PAX5: variants seen among roughly 807,000 people sequenced by gnomAD.
PAX5 encodes the protein paired box 5.
Under a neutral mutation model 43.7 loss-of-function variants are expected in PAX5, and 9 were observed. That is an observed-to-expected ratio of 0.21 (90% CI 0.12 to 0.36). The LOEUF is 0.36. Among genes scored for constraint, PAX5 ranks in the 10% least tolerant of loss-of-function variants. PAX5 has a pLI of 1.00. For synonymous variants in PAX5, 228 were observed against 214.3 expected, an observed-to-expected ratio of 1.06 and a Z score of -0.56; for missense variants, 383 against 532.7, an observed-to-expected ratio of 0.72 and a Z score of 2.77.
rs1195510752 is a variant in PAX5 at position 36,929,293 on chromosome 9, G to GA, written c.781-5810_781-5809insT. 1.0e-3 allele frequency among the ~76,000 whole-genome samples: 149 copies of GA among 148,906 alleles called. 1 individual carries two copies. The East Asian group carries it at 0.026, about 25-fold the overall frequency. On this transcript the variant is annotated intron_variant, in intron 6 of 9. Transcript: ENST00000358127. ...AGGAAGGAAGGAAGGAAGGAAGGAT[G>GA]GATGAGAGAGAGAGAGAGAGAAAGA... is the stretch of plus-strand genomic sequence containing the variant.
At chr9:36,912,492 G>A (rs986841321) in intron 7 of PAX5, among the ~76,000 whole-genome samples, 4 of 152,192 alleles carry the variant, frequency 2.6e-5, no homozygotes, top group South Asian at 2.1e-4. Context: ...TGAAAGAGAC[G>A]CCTTCAGGAA....
At chr9:37,001,593 G>A (rs933038643) in intron 5 of PAX5, among the ~76,000 whole-genome samples, 5 of 152,252 alleles carry the variant, frequency 3.3e-5, no homozygotes, top group East Asian at 1.9e-4. Context: ...CGAGGCCACC[G>A]GCTCTGCTTC....
At position 37,015,262 on chromosome 9, in the gene PAX5, C is replaced by A; in HGVS notation, c.213-68G>T. ...AAAGTGGATATTGGCAACAAAATAA[C>A]GGGCTACTCTGGCCAGGAAACGTCC... On this transcript the variant is annotated intron_variant, in intron 2 of 9. Coordinates refer to ENST00000358127, the MANE Select transcript of PAX5 (RefSeq NM_016734.3). This position sits in a 1 kb window ranked among gnomAD's most constrained non-coding sequence, Gnocchi z 4.4. 1 of 1,402,330 alleles carries A rather than the reference C, an allele frequency of 7.1e-7. No homozygotes were observed. The highest frequency in any genetic ancestry group is 1.0e-6 in the Non-Finnish European group (1 of 992,462). 86.9% of individuals were successfully genotyped at this position (1,402,330 alleles called of 1,614,324 possible).
At chr9:36,925,947 A>G (rs1426764315) in intron 6 of PAX5, among the ~76,000 whole-genome samples, 2 of 152,200 alleles carry the variant, frequency 1.3e-5, no homozygotes, top group East Asian at 3.8e-4. Context: ...TGCCAGAACA[A>G]TAACAACCAC....
At chr9:36,873,399 G>A (rs181726757) in intron 8 of PAX5, among the ~76,000 whole-genome samples, 15 of 152,350 alleles carry the variant, frequency 9.8e-5, no homozygotes, top group East Asian at 9.6e-4. Context: ...GCATTTCATC[G>A]TAGCTGTGTC....
chr9:36,962,942 C>A (rs1382473421), intron 6 of PAX5, among the ~76,000 whole-genome samples: 2 of 152,362 alleles, frequency 1.3e-5, no homozygotes, highest in African/African-American at 4.8e-5. Flanking sequence ...GGAACATTCA[C>A]CTCTTGGAGA....
chr9:36,962,734 G>T (rs1278702874), intron 6 of PAX5, among the ~76,000 whole-genome samples: 1 of 152,222 alleles, frequency 6.6e-6, no homozygotes, highest in Admixed American at 6.5e-5. Context: ...GCCAGTAAGT[G>T]CTCTTTGTTC....
In PAX5 at chr9:36,881,132, G is replaced by C. The variant is rs1190174722; in HGVS notation, c.1012+872C>G. 1.3e-5 allele frequency among the ~76,000 whole-genome samples: 2 copies of C among 152,144 alleles called. 1 individual carries two copies. The highest frequency in any genetic ancestry group is 4.1e-4 in the South Asian group (2 of 4,828). On this transcript the variant is annotated intron_variant, in intron 8 of 9. Coordinates refer to ENST00000358127, the MANE Select transcript of PAX5 (RefSeq NM_016734.3). ...AAGGGTATGTTAATTAGCCTGATTT[G>C]ATCATTCCACAATGCATACACTGTC...
intron 6 of PAX5, among the ~76,000 whole-genome samples, chr9:36,934,956 G>A (rs1169519100): frequency 6.6e-6 from 1 of 152,226 alleles, no homozygotes. Flanking sequence ...TGCCAGAGGT[G>A]CTTCCCAGGG....
chr9:36,894,610 C>T (rs1048943098), intron 7 of PAX5, among the ~76,000 whole-genome samples: 8 of 152,136 alleles, frequency 5.3e-5, no homozygotes, highest in Non-Finnish European at 8.8e-5. Flanking sequence ...TCAGGTTTTG[C>T]ATTTATAAAA....
In PAX5 at chr9:36,837,779, A is replaced by G. The variant is rs937036086; in HGVS notation, c.*2781T>C. 9 of 232,946 alleles carry G rather than the reference A, an allele frequency of 3.9e-5. No homozygotes were observed. The highest frequency in any genetic ancestry group is 5.9e-5 in the Non-Finnish European group (7 of 117,940). The allele number at this position is 232,946 out of a possible 1,614,324, so 14.4% of individuals were successfully genotyped here. A position where few individuals can be genotyped will look rare whatever the true frequency, so the allele number is the denominator to read the frequency against. On this transcript the variant is annotated 3_prime_UTR_variant, in exon 10 of 10. Coordinates refer to ENST00000358127, the MANE Select transcript of PAX5 (RefSeq NM_016734.3). ...AAGCCTCAGGTGAGGGAGGAAAGGT[A>G]TGGGGGGAGCTCATTACAGGGCAAG...
intron 8 of PAX5, among the ~76,000 whole-genome samples, chr9:36,852,669 C>T (rs547284773): frequency 9.0e-4 from 137 of 152,362 alleles, no homozygotes; most frequent in Non-Finnish European, 1.7e-3. Flanking sequence ...CAGTCCCTCC[C>T]GGCATTCTGC....
intron 6 of PAX5, among the ~76,000 whole-genome samples, chr9:36,926,310 A>G (rs1830636246): frequency 6.6e-6 from 1 of 152,252 alleles, no homozygotes; most frequent in Non-Finnish European, 1.5e-5. Context: ...CTGAAAAAAA[A>G]ATATCCAAGG....
At chr9:36,994,994 T>G (rs7854062) in intron 5 of PAX5, among the ~76,000 whole-genome samples, 116,741 of 151,892 alleles carry the variant, frequency 0.77, 45,042 homozygotes, top group East Asian at 0.85. Flanking sequence ...AGAACTCAGG[T>G]AACAACCCAC....
intron 5 of PAX5, 86 bp from the exon 6 acceptor site, chr9:36,966,810 G>A: frequency 1.6e-6 from 2 of 1,252,862 alleles, no homozygotes; most frequent in Non-Finnish European, 1.1e-6. Context: ...ACTATGAAGA[G>A]GACCTGACCC....
chr9:36,963,262 G>A (rs115931922), intron 6 of PAX5, among the ~76,000 whole-genome samples: 163 of 152,318 alleles, frequency 1.1e-3, no homozygotes, highest in African/African-American at 3.5e-3. Context: ...GCCTGCAGAC[G>A]TGCCTGCTCA....
intron 5 of PAX5, among the ~76,000 whole-genome samples, chr9:36,988,662 C>CAAA (rs139552622): frequency 2.9e-5 from 3 of 103,528 alleles, no homozygotes; most frequent in African/African-American, 4.0e-5. Flanking sequence ...GACCCTGTCT[C>CAAA]AAAAAAAAAA....
chr9:36,914,579 T>G (rs1185902808), intron 7 of PAX5, among the ~76,000 whole-genome samples: 1 of 152,276 alleles, frequency 6.6e-6, no homozygotes, highest in African/African-American at 2.4e-5. Context: ...TCATCTCATT[T>G]ACCTCATAGG....
At chr9:36,884,584 G>C (rs1563930146) in intron 7 of PAX5, among the ~76,000 whole-genome samples, 1 of 152,162 alleles carries the variant, frequency 6.6e-6, no homozygotes, top group Non-Finnish European at 1.5e-5. Flanking sequence ...AACATGTCAA[G>C]GAAACCTATT....
Sources: allele counts gnomAD v4.1 joint callset (sites outside exome capture counted in the v4.1 genomes callset), GRCh38; gene constraint gnomAD v4.1.1; non-coding constraint Gnocchi (gnomAD v3.1); transcripts MANE v1.5; gene names NCBI Gene and HGNC (gene_info 2026-07-23, HGNC 2026-07-21).